Variants in ZFHX3 observed in about 807,000 individuals in gnomAD.
ZFHX3 encodes the protein zinc finger homeobox 3.
ZFHX3 carries 42 observed loss-of-function variants against 279.1 expected under a neutral mutation model. The observed-to-expected ratio is 0.15, with a 90% confidence interval of 0.12 to 0.19. The LOEUF (loss-of-function observed/expected upper bound fraction) is 0.19. ZFHX3 is among the 10% of genes least tolerant of loss of function. The pLI is 1.00. For missense variants in ZFHX3, 4,981 were observed against 4,754.0 expected (o/e 1.05, Z -1.40); for synonymous variants, 2,293 against 1,957.8 (o/e 1.17, Z -4.52).
chr16:73,059,398 GCACA>G (rs1294885536), exon 1 of ZFHX3: 1 of 107,234 alleles, frequency 9.3e-6, no homozygotes, highest in Non-Finnish European at 2.0e-5. Flanking sequence ...ACACACACAC[GCACA>G]CACACACCGA....
chr16:73,685,492 C>G (rs1214741198), intron 1 of ZFHX3, among the ~76,000 whole-genome samples: 2 of 152,330 alleles, frequency 1.3e-5, no homozygotes, highest in East Asian at 3.9e-4. Flanking sequence ...CCCCTTGCAG[C>G]TTCCAGAAAG....
intron 4 of ZFHX3, among the ~76,000 whole-genome samples, chr16:73,302,487 C>T (rs973363150): frequency 6.6e-5 from 10 of 152,196 alleles, no homozygotes; most frequent in Non-Finnish European, 1.0e-4. Context: ...CTGCGGCTTC[C>T]ACCAGTCACG....
chr16:73,077,483 A>T (rs1965898322), intron 8 of ZFHX3, among the ~76,000 whole-genome samples: 1 of 151,778 alleles, frequency 6.6e-6, no homozygotes, highest in Non-Finnish European at 1.5e-5. Flanking sequence ...AAATGAAGTG[A>T]CTCTCCCGTG....
At chr16:73,143,713 C>T (rs1966853448) in intron 6 of ZFHX3, 1 of 1,295,000 alleles carries the variant, frequency 7.7e-7, no homozygotes, top group South Asian at 1.2e-5. Context: ...CCTGGTATAA[C>T]ATTTTCTTTC....
At chr16:73,769,309 C>T (rs2053989851) in intron 1 of ZFHX3, among the ~76,000 whole-genome samples, 1 of 152,152 alleles carries the variant, frequency 6.6e-6, no homozygotes, top group African/African-American at 2.4e-5. Flanking sequence ...TTAAGTAAAT[C>T]TGTAAGCCAC....
At chr16:73,527,371 T>G (rs983275080) in intron 2 of ZFHX3, among the ~76,000 whole-genome samples, 2 of 152,076 alleles carry the variant, frequency 1.3e-5, no homozygotes, top group Admixed American at 6.6e-5. Flanking sequence ...GTCTATGAAC[T>G]CCTATTTGGC....
At position 72,788,867 on chromosome 16, in the gene ZFHX3, G is replaced by C. The variant is rs369733454; in HGVS notation, c.9428-19C>G. On this transcript the variant is annotated intron_variant, in intron 9 of 9. Coordinates refer to ENST00000268489, the MANE Select transcript of ZFHX3 (RefSeq NM_006885.4). ...GTTAAAGCTGAAAGGAATGGAGACA[G>C]AAATCACCGGTCAGTCTGGGCAGGG... The C allele has an allele frequency of 1.3e-6, 2 of 1,515,132 alleles. No homozygotes were observed. The highest frequency in any genetic ancestry group is 4.6e-5 in the Admixed American group (2 of 43,834). The allele number at this position is 1,515,132 out of a possible 1,614,324, so 93.9% of individuals were successfully genotyped here.
intron 3 of ZFHX3, among the ~76,000 whole-genome samples, chr16:73,433,212 C>A (rs553705972): frequency 1.3e-5 from 2 of 152,200 alleles, no homozygotes; most frequent in Non-Finnish European, 2.9e-5. Flanking sequence ...CTCCAGACAG[C>A]GGCATGTCCC....
At chr16:73,264,659 G>C (rs1002098893) in intron 4 of ZFHX3, among the ~76,000 whole-genome samples, 1 of 151,766 alleles carries the variant, frequency 6.6e-6, no homozygotes, top group Middle Eastern at 3.4e-3. Flanking sequence ...GCCGTGATTT[G>C]TGAGATTTCA....
chr16:73,136,725 CAAA>C (rs397855836), intron 6 of ZFHX3, among the ~76,000 whole-genome samples: 1,586 of 41,484 alleles, frequency 0.038, 19 homozygotes, highest in African/African-American at 0.15. Flanking sequence ...GACTCTGCCT[CAAA>C]AAAAAAAAAA....
rs1227132765 is a variant in ZFHX3, at chr16:73,660,210, T to C, written c.-1547+19970A>G. 3.9e-5 allele frequency among the ~76,000 whole-genome samples: 6 copies of C among 152,192 alleles called. No homozygotes were observed. The East Asian group carries it at 5.8e-4, about 15-fold the overall frequency. On this transcript the variant is annotated intron_variant, in intron 2 of 17. Transcript: ENST00000641206. ...GAATTTTGCAAACAGAAAAAGAAAA[T>C]AGTTCAATAAAAAGCTTTTAAGGAT...
intron 3 of ZFHX3, among the ~76,000 whole-genome samples, chr16:73,339,882 G>A (rs2015997152): frequency 6.6e-6 from 1 of 152,212 alleles, no homozygotes; most frequent in African/African-American, 2.4e-5. Flanking sequence ...TGACGATGAT[G>A]ACAAAAACGA....
intron 1 of ZFHX3, among the ~76,000 whole-genome samples, chr16:73,823,581 T>C (rs1182265541): frequency 6.6e-6 from 1 of 152,194 alleles, no homozygotes; most frequent in East Asian, 1.9e-4. Flanking sequence ...CCACTGCCTG[T>C]TTTTGTAAAT....
At chr16:72,984,573 C>T (rs1338156425) in intron 1 of ZFHX3, among the ~76,000 whole-genome samples, 1 of 151,400 alleles carries the variant, frequency 6.6e-6, no homozygotes, top group Non-Finnish European at 1.5e-5. Flanking sequence ...CTGCAAGGAG[C>T]CACGATCACA....
chr16:72,982,281 C>G (rs1296452717), intron 1 of ZFHX3, among the ~76,000 whole-genome samples: 1 of 152,136 alleles, frequency 6.6e-6, no homozygotes, highest in Non-Finnish European at 1.5e-5. Flanking sequence ...AAAAATAATT[C>G]ATTCAAACAT....
At chr16:73,645,012 G>C (rs2052605790) in intron 2 of ZFHX3, among the ~76,000 whole-genome samples, 1 of 152,166 alleles carries the variant, frequency 6.6e-6, no homozygotes, top group Non-Finnish European at 1.5e-5. Flanking sequence ...TCACTGGCAT[G>C]ACTGAACACA....
intron 2 of ZFHX3, chr16:73,499,781 C>T (rs1285192808): frequency 6.6e-6 from 1 of 152,182 alleles, no homozygotes; most frequent in Non-Finnish European, 1.5e-5. Flanking sequence ...TCATGTGCCA[C>T]ATGACAACGT....
intron 3 of ZFHX3, among the ~76,000 whole-genome samples, chr16:73,377,818 G>A (rs2143358167): frequency 6.6e-6 from 1 of 151,440 alleles, no homozygotes; most frequent in African/African-American, 2.4e-5. Flanking sequence ...CAGATCACGA[G>A]GTCAGGAGAT....
Position 73,817,865 on chromosome 16 carries a change from C to A in ZFHX3, c.-1608+73786G>T, listed in dbSNP as rs74028498. ...TATGGCAGGATAATGTGGAGCCCAGCACCTATTTATGAGTTGATCATTTGT... is the reference window on the plus strand; with the variant it reads ...TATGGCAGGATAATGTGGAGCCCAGAACCTATTTATGAGTTGATCATTTGT... On this transcript the variant is annotated intron_variant, in intron 1 of 17. Transcript: ENST00000641206. Among the ~76,000 whole-genome samples the A allele has an allele frequency of 7.8e-3, 1,183 of 152,292 alleles. 17 individuals carry two copies. The highest frequency in any genetic ancestry group is 0.027 in the African/African-American group (1,119 of 41,548).
Sources: allele counts gnomAD v4.1 joint callset (sites outside exome capture counted in the v4.1 genomes callset), GRCh38; gene constraint gnomAD v4.1.1; transcripts MANE v1.5; gene names NCBI Gene and HGNC (gene_info 2026-07-23, HGNC 2026-07-21).